SKAP1: variants seen among roughly 807,000 people sequenced by gnomAD.
SKAP1 encodes the protein src kinase associated phosphoprotein 1, also known as src kinase-associated phosphoprotein 1.
A neutral mutation model predicts 58.5 loss-of-function variants in SKAP1; 44 were observed. The ratio of observed to expected loss-of-function variants is 0.75; its 90% CI spans 0.59 to 0.97. SKAP1 has a LOEUF of 0.97. SKAP1 is among the 50% of genes least tolerant of loss of function. SKAP1 has a pLI of 0.00. For synonymous variants in SKAP1, 127 were observed against 149.7 expected, an observed-to-expected ratio of 0.85 and a Z score of 1.11; for missense variants, 390 against 435.2, an observed-to-expected ratio of 0.90 and a Z score of 0.92.
At chr17:48,276,853 T>C (rs2065707634) in intron 4 of SKAP1, among the ~76,000 whole-genome samples, 1 of 152,244 alleles carries the variant, frequency 6.6e-6, no homozygotes, top group Non-Finnish European at 1.5e-5. Flanking sequence ...GAGCTAGTTG[T>C]ATGCGTTTCT....
In SKAP1 at chr17:48,278,067, TTACACAC is replaced by T. The variant is rs1264106479; in HGVS notation, c.280+67831_280+67837del. On this transcript the variant is annotated intron_variant, in intron 4 of 12. Transcript: ENST00000336915. ...CTAGCATGAAACATCTAACTTAACATTACACACAAACACATATTCCTATTTATCCTTC... is the reference window on the plus strand; with the variant it reads ...CTAGCATGAAACATCTAACTTAACATAAACACATATTCCTATTTATCCTTC... 7.7e-4 allele frequency among the ~76,000 whole-genome samples: 118 copies of T among 152,356 alleles called. 2 individuals carry two copies. Among genetic ancestry groups the T allele is most frequent in the Middle Eastern group, 3.4e-3 (1 of 294 alleles).
intron 4 of SKAP1, among the ~76,000 whole-genome samples, chr17:48,271,920 A>G (rs191690051): frequency 1.1e-4 from 17 of 152,180 alleles, no homozygotes; most frequent in Admixed American, 3.9e-4. Context: ...TTGACTTCCT[A>G]AGTAAATTGA....
intron 4 of SKAP1, among the ~76,000 whole-genome samples, chr17:48,319,458 T>C (rs549764848): frequency 1.3e-5 from 2 of 152,178 alleles, no homozygotes; most frequent in Non-Finnish European, 2.9e-5. Context: ...GAGAAATCAA[T>C]TATTTTCTCC....
At chr17:48,249,335 T>C (rs1327679837) in intron 4 of SKAP1, among the ~76,000 whole-genome samples, 2 of 152,138 alleles carry the variant, frequency 1.3e-5, no homozygotes, top group African/African-American at 4.8e-5. Context: ...GTATTGAAAA[T>C]AGTACCTTAT....
intron 9 of SKAP1, among the ~76,000 whole-genome samples, chr17:48,173,436 A>C (rs2143395228): frequency 6.6e-6 from 1 of 152,284 alleles, no homozygotes; most frequent in African/African-American, 2.4e-5. Context: ...CACATTAAAC[A>C]TTCTTTGCAC....
intron 4 of SKAP1, among the ~76,000 whole-genome samples, chr17:48,198,808 T>C (rs964057449): frequency 6.6e-6 from 1 of 152,292 alleles, no homozygotes; most frequent in South Asian, 2.1e-4. Flanking sequence ...CCATCCTTAA[T>C]ATAGAACCGC....
chr17:48,363,944 T>A, intron 2 of SKAP1, 130 bp from the exon 3 acceptor site: 2 of 545,738 alleles, frequency 3.7e-6, no homozygotes, highest in Non-Finnish European at 3.1e-6. Context: ...AAGTCACTAC[T>A]AATTTTGAGA....
chr17:48,312,795 T>G (rs377252795), intron 4 of SKAP1, among the ~76,000 whole-genome samples: 1 of 152,320 alleles, frequency 6.6e-6, no homozygotes, highest in East Asian at 1.9e-4. Context: ...CTTAAACTTA[T>G]AACGTTTTAT....
At chr17:48,138,983 G>C (rs1249054925) in intron 11 of SKAP1, among the ~76,000 whole-genome samples, 1 of 151,940 alleles carries the variant, frequency 6.6e-6, no homozygotes, top group East Asian at 1.9e-4. Flanking sequence ...CCACCACCTG[G>C]GTTCAAATGA....
chr17:48,272,891 A>G (rs1057397580), intron 4 of SKAP1, among the ~76,000 whole-genome samples: 3 of 152,226 alleles, frequency 2.0e-5, no homozygotes, highest in Non-Finnish European at 4.4e-5. Flanking sequence ...TTCAATGTCA[A>G]TGTCTTAACA....
intron 4 of SKAP1, among the ~76,000 whole-genome samples, chr17:48,319,385 G>C (rs981554370): frequency 7.2e-5 from 11 of 152,078 alleles, no homozygotes; most frequent in Admixed American, 7.2e-4. Flanking sequence ...CCTGTCTCTA[G>C]TTTTAAAAAG....
chr17:48,366,709 T>C (rs1413926701), intron 2 of SKAP1, among the ~76,000 whole-genome samples: 1 of 152,192 alleles, frequency 6.6e-6, no homozygotes, highest in Non-Finnish European at 1.5e-5. Flanking sequence ...AATCATCAAA[T>C]GGCTGAGCAA....
intron 4 of SKAP1, among the ~76,000 whole-genome samples, chr17:48,251,008 T>G (rs1313953738): frequency 1.3e-5 from 2 of 152,200 alleles, no homozygotes; most frequent in Non-Finnish European, 2.9e-5. Flanking sequence ...TAAACCTGCT[T>G]AAAATGAGAG....
intron 4 of SKAP1, among the ~76,000 whole-genome samples, chr17:48,256,321 GA>G (rs1222161403): frequency 6.6e-6 from 1 of 151,880 alleles, no homozygotes; most frequent in Admixed American, 6.6e-5. Context: ...ACTGAATGAT[GA>G]AAAAATTGTT....
intron 5 of SKAP1, 89 bp downstream of exon 5, chr17:48,189,334 C>G: frequency 7.6e-6 from 8 of 1,053,428 alleles, no homozygotes; most frequent in Non-Finnish European, 1.1e-5. Context: ...GTACCGGGCA[C>G]AGAGAAGGCA....
At chr17:48,279,802 C>G (rs1425362009) in intron 4 of SKAP1, among the ~76,000 whole-genome samples, 1 of 152,210 alleles carries the variant, frequency 6.6e-6, no homozygotes, top group Non-Finnish European at 1.5e-5. Context: ...CCCACCAACA[C>G]TCTGTTCTTG....
rs973422197 is a variant in SKAP1, at chr17:48,331,164, G to A, written c.280+14741C>T. 2.6e-5 allele frequency among the ~76,000 whole-genome samples: 4 copies of A among 152,114 alleles called. 1 individual carries two copies. The South Asian group carries it at 8.3e-4, about 32-fold the overall frequency. On this transcript the variant is annotated intron_variant, in intron 4 of 12. Coordinates refer to ENST00000336915, the MANE Select transcript of SKAP1 (RefSeq NM_003726.4). ...TAGCTGCAGAGAAAGCATTATCTAGGTGAAGAATGATGCCGATTGTTTTAG... is the reference window on the plus strand; with the variant it reads ...TAGCTGCAGAGAAAGCATTATCTAGATGAAGAATGATGCCGATTGTTTTAG...
At chr17:48,290,498 TC>T in intron 4 of SKAP1, among the ~76,000 whole-genome samples, 1 of 152,210 alleles carries the variant, frequency 6.6e-6, no homozygotes, top group Non-Finnish European at 1.5e-5. Flanking sequence ...TTCCCCAGCC[TC>T]TTTTATTCTT....
chr17:48,271,507 C>T (rs968068220), intron 4 of SKAP1, among the ~76,000 whole-genome samples: 1 of 151,610 alleles, frequency 6.6e-6, no homozygotes, highest in Non-Finnish European at 1.5e-5. Flanking sequence ...GATGGGACCA[C>T]AGCGTGTGTC....
Sources: gnomAD v4.1 joint callset for allele counts (sites outside exome capture counted in the v4.1 genomes callset) on GRCh38, gnomAD v4.1.1 for gene constraint, MANE v1.5 for transcripts, NCBI Gene and HGNC (gene_info 2026-07-23, HGNC 2026-07-21) for gene names.